NARF: variants seen among roughly 807,000 people sequenced by gnomAD.
The protein encoded by NARF is iron-only hydrogenase-like protein 2.
In NARF, 41 loss-of-function variants were observed where a neutral mutation model predicts 48.0. The observed-to-expected ratio is 0.85, with a 90% CI of 0.66 to 1.11. The LOEUF is 1.11. Ranked by LOEUF, NARF falls within the 50% of genes least tolerant of loss-of-function variation. The pLI is 0.00. For synonymous variants in NARF, 215 were observed against 225.5 expected, an observed-to-expected ratio of 0.95 and a Z score of 0.42; for missense variants, 613 against 590.2, an observed-to-expected ratio of 1.04 and a Z score of -0.40.
rs2043735076 is a variant in NARF at position 82,472,548 on chromosome 17, C to T, written c.386-16C>T. On this transcript the variant is annotated splice_polypyrimidine_tract_variant and intron_variant, in intron 4 of 10. Transcript: ENST00000309794. Reference sequence around the variant, plus strand: ...TAGTACGTGATTTAAGCTGAATATGCTCCTCTCTCCTGCAGGGGTGCACTA... The same window carrying T: ...TAGTACGTGATTTAAGCTGAATATGTTCCTCTCTCCTGCAGGGGTGCACTA... The T allele has an allele frequency of 4.4e-6, 7 of 1,592,174 alleles. No homozygotes were observed. In the South Asian group the frequency reaches 4.5e-5, roughly 10 times the overall value.
intron 6 of NARF, 185 bp from the exon 7 acceptor site, chr17:82,480,897 A>G: frequency 1.4e-6 from 1 of 738,138 alleles, no homozygotes. Flanking sequence ...ACGCCACTGC[A>G]CTCCAACCTG....
At chr17:82,486,808 G>A (rs1444729161) in intron 10 of NARF, among the ~76,000 whole-genome samples, 1 of 152,200 alleles carries the variant, frequency 6.6e-6, no homozygotes, top group East Asian at 1.9e-4. Context: ...GGTTTAACCA[G>A]GGAAATTTGC....
chr17:82,477,429 G>A (rs368016160), intron 5 of NARF, among the ~76,000 whole-genome samples: 2 of 151,894 alleles, frequency 1.3e-5, no homozygotes, highest in African/African-American at 2.4e-5. Flanking sequence ...GCTTGAACCC[G>A]GGAGCCAGAG....
chr17:82,476,448 T>G (rs1264085285), intron 5 of NARF: 1 of 152,360 alleles, frequency 6.6e-6, no homozygotes, highest in Non-Finnish European at 1.5e-5. Flanking sequence ...AGCTAACACT[T>G]TTTTGTTTGT....
chr17:82,473,068 G>A (rs1302602682), intron 5 of NARF, among the ~76,000 whole-genome samples: 4 of 150,882 alleles, frequency 2.7e-5, no homozygotes, highest in Non-Finnish European at 5.9e-5. Flanking sequence ...AGCCTGCCAA[G>A]TAGCTGGGAC....
intron 4 of NARF, among the ~76,000 whole-genome samples, chr17:82,470,804 TATAGCTAGTTGC>T (rs1403647882): frequency 3.9e-5 from 6 of 152,106 alleles, no homozygotes; most frequent in Non-Finnish European, 7.4e-5. Flanking sequence ...TAATATTTAT[TATAGCTAGTTGC>T]ATTTTCTCTC....
intron 2 of NARF, chr17:82,464,071 C>T: frequency 1.9e-6 from 1 of 529,066 alleles, no homozygotes; most frequent in Non-Finnish European, 3.3e-6. Context: ...TCCCTAGTGT[C>T]ATTGTGGGCT....
rs2044145195 is a variant in NARF, at chr17:82,488,333, A to AAC, written c.*176_*177insAC. 1.0e-6 allele frequency: 1 copy of AAC among 960,836 alleles called. No individual in the cohort carries two copies. The allele number at this position is 960,836 out of a possible 1,614,324, so 59.5% of individuals were successfully genotyped here. A position where few individuals can be genotyped will look rare whatever the true frequency, so the allele number is the denominator to read the frequency against. ...TATTGGAGGCCCCTCAGGCAGTTTC[A>AAC]TGTGGTGCTATCTTCATAATAGGTG... On this transcript the variant is annotated 3_prime_UTR_variant, in exon 11 of 11. Transcript: ENST00000309794.
intron 2 of NARF, among the ~76,000 whole-genome samples, chr17:82,461,626 A>G (rs916093035): frequency 6.6e-6 from 1 of 152,058 alleles, no homozygotes; most frequent in Non-Finnish European, 1.5e-5. Flanking sequence ...AAAGAATGTC[A>G]TTTTACATGC....
In NARF at chr17:82,483,691, A is replaced by G. The variant is rs2044026532; in HGVS notation, c.770-25A>G. 5.0e-6 allele frequency: 8 copies of G among 1,612,466 alleles called. No individual in the cohort carries two copies. The East Asian group carries it at 1.6e-4, about 31-fold the overall frequency. On this transcript the variant is annotated intron_variant, in intron 7 of 10. Transcript: ENST00000309794. ...TTCCTGTGGCCACCTGTGTCTTTTC[A>G]GTGTCTTACTTCGTTTGTCTGCAGG... is the stretch of plus-strand genomic sequence containing the variant.
At chr17:82,482,266 A>G in intron 7 of NARF, 2 of 433,008 alleles carry the variant, frequency 4.6e-6, no homozygotes, top group African/African-American at 2.1e-5. Flanking sequence ...TAGCACGCAG[A>G]CGCCTCTGGA....
chr17:82,485,525 GAGA>G lies in NARF; in HGVS notation c.1005_1007del (p.Lys335del). ...CAAAGACTTCCAAGAGGTCACCCTT[GAGA>G]AGAACGGAGAGGTGGTGTTACGCTT... On this transcript the variant is annotated inframe_deletion, in exon 10 of 11. Transcript: ENST00000309794. The G allele has an allele frequency of 6.2e-7, 1 of 1,614,262 alleles. No individual in the cohort carries two copies. Among genetic ancestry groups the G allele is most frequent in the Non-Finnish European group, 8.5e-7 (1 of 1,180,054 alleles).
intron 10 of NARF, among the ~76,000 whole-genome samples, chr17:82,487,357 A>G (rs1282091158): frequency 1.3e-5 from 2 of 151,430 alleles, no homozygotes; most frequent in African/African-American, 4.9e-5. Flanking sequence ...GGTGGCACAC[A>G]CCTGTAACCC....
At chr17:82,468,245 A>G (rs576090081) in intron 3 of NARF, among the ~76,000 whole-genome samples, 2 of 151,844 alleles carry the variant, frequency 1.3e-5, no homozygotes, top group Admixed American at 1.3e-4. Context: ...TGGGAGGCAG[A>G]AGTTGCAGCG....
chr17:82,475,594 A>T (rs550563372), intron 5 of NARF, among the ~76,000 whole-genome samples: 1 of 152,226 alleles, frequency 6.6e-6, no homozygotes, highest in South Asian at 2.1e-4. Context: ...AACCCTGTCA[A>T]TCATACATAT....
rs772317996 is a variant in NARF, at chr17:82,484,808, G to A, written c.834-5G>A. On this transcript the variant is annotated splice_polypyrimidine_tract_variant and splice_region_variant and intron_variant, in intron 8 of 10. Transcript: ENST00000309794. Reference sequence around the variant, plus strand: ...GAAGGACTTGTATTTTCTCTGCCTTGTGAGGTTTGGAGACTTGAAGGAGGA... The same window carrying A: ...GAAGGACTTGTATTTTCTCTGCCTTATGAGGTTTGGAGACTTGAAGGAGGA... 6.3e-7 allele frequency: 1 copy of A among 1,591,180 alleles called. No homozygotes were observed.
chr17:82,487,557 G>A (rs923026019), intron 10 of NARF, among the ~76,000 whole-genome samples: 1 of 151,700 alleles, frequency 6.6e-6, no homozygotes, highest in Non-Finnish European at 1.5e-5. Flanking sequence ...ACAGCCTTGA[G>A]GAAGACCCTG....
intron 5 of NARF, among the ~76,000 whole-genome samples, chr17:82,473,433 C>T (rs370303841): frequency 1.3e-5 from 2 of 151,742 alleles, no homozygotes; most frequent in African/African-American, 4.8e-5. Context: ...CAGAGTCTCG[C>T]TCTGTCACCC....
chr17:82,474,603 C>T (rs920347698), intron 5 of NARF, among the ~76,000 whole-genome samples: 1 of 152,210 alleles, frequency 6.6e-6, no homozygotes, highest in Non-Finnish European at 1.5e-5. Flanking sequence ...CGTTTCAGTT[C>T]TTAATTTATG....
Sources: gnomAD v4.1 joint callset for allele counts (sites outside exome capture counted in the v4.1 genomes callset) on GRCh38, gnomAD v4.1.1 for gene constraint, MANE v1.5 for transcripts, NCBI Gene and HGNC (gene_info 2026-07-23, HGNC 2026-07-21) for gene names.